FRMPD2: variants seen among roughly 807,000 people sequenced by gnomAD.
The protein encoded by FRMPD2 is FERM and PDZ domain containing 2, also known as FERM and PDZ domain-containing protein 2.
FRMPD2 carries 96 observed loss-of-function variants against 140.1 expected under a neutral mutation model. The ratio of observed to expected loss-of-function variants is 0.69; its 90% CI spans 0.58 to 0.81. The LOEUF (loss-of-function observed/expected upper bound fraction) is 0.81. FRMPD2 is among the 40% of genes least tolerant of loss of function. The probability of loss-of-function intolerance (pLI) is 0.00; values close to 1 mark genes in which losing one functional copy is unlikely to be tolerated. For synonymous variants in FRMPD2, 449 were observed against 547.6 expected (o/e 0.82, Z 2.52); for missense variants, 1,240 against 1,447.4 (o/e 0.86, Z 2.32).
intron 14 of FRMPD2, among the ~76,000 whole-genome samples, chr10:48,205,416 G>A (rs1839180209): frequency 6.6e-6 from 1 of 152,164 alleles, no homozygotes; most frequent in Admixed American, 6.5e-5. Flanking sequence ...TACTTAAGGG[G>A]ACTGTCGAGC....
intron 1 of FRMPD2, among the ~76,000 whole-genome samples, chr10:48,258,080 G>C (rs1840520046): frequency 1.3e-5 from 2 of 152,220 alleles, no homozygotes; most frequent in Admixed American, 1.3e-4. Flanking sequence ...GAAGCTCTCA[G>C]AGCGATCTTT....
chr10:48,245,300 T>G (rs967017658), intron 3 of FRMPD2, among the ~76,000 whole-genome samples: 1 of 152,220 alleles, frequency 6.6e-6, no homozygotes, highest in Non-Finnish European at 1.5e-5. Flanking sequence ...CTTGATGACA[T>G]GAAACGGCTG....
chr10:48,257,590 T>A (rs1197734342), intron 1 of FRMPD2, among the ~76,000 whole-genome samples: 1 of 152,104 alleles, frequency 6.6e-6, no homozygotes, highest in African/African-American at 2.4e-5. Context: ...AACCTTTACC[T>A]TTTTTTAGAG....
intron 1 of FRMPD2, among the ~76,000 whole-genome samples, chr10:48,254,180 C>G (rs374190060): frequency 2.0e-5 from 3 of 152,120 alleles, no homozygotes; most frequent in Non-Finnish European, 4.4e-5. Flanking sequence ...CACAGTGTTA[C>G]GGTGGAATGT....
intron 7 of FRMPD2, among the ~76,000 whole-genome samples, chr10:48,238,523 G>A (rs1015069501): frequency 6.6e-6 from 1 of 152,182 alleles, no homozygotes; most frequent in Non-Finnish European, 1.5e-5. Context: ...AAGGAATCAG[G>A]GGGTAAAAAT....
chr10:48,228,259 T>C (rs1400461428), intron 10 of FRMPD2, among the ~76,000 whole-genome samples: 1 of 151,976 alleles, frequency 6.6e-6, no homozygotes, highest in South Asian at 2.1e-4. Flanking sequence ...TTAATAAATG[T>C]AAATATAAAT....
chr10:48,233,576 C>T (rs966635645), intron 9 of FRMPD2, among the ~76,000 whole-genome samples: 1 of 152,122 alleles, frequency 6.6e-6, no homozygotes, highest in Non-Finnish European at 1.5e-5. Context: ...TGGGCCCCTG[C>T]TTGGGTCCAG....
intron 4 of FRMPD2, among the ~76,000 whole-genome samples, chr10:48,244,204 C>T (rs897980529): frequency 3.9e-5 from 6 of 152,210 alleles, no homozygotes; most frequent in Non-Finnish European, 5.9e-5. Flanking sequence ...AGGCTTGTCT[C>T]GAACTCCTGA....
At chr10:48,201,500 G>C in intron 14 of FRMPD2, 116 bp from the exon 15 acceptor site, 2 of 778,000 alleles carry the variant, frequency 2.6e-6, no homozygotes, top group Non-Finnish European at 4.1e-6. Context: ...GGCATCCACG[G>C]GTGCATGGCA....
rs552446940 is a variant in FRMPD2 at position 48,176,014 on chromosome 10, G to A, written c.2896-75C>T. ...GCCTCCCCAACCTCCCCAGCTAAGGGAATCCCCACCTGCCCACCACTCTAT... is the reference window on the plus strand; with the variant it reads ...GCCTCCCCAACCTCCCCAGCTAAGGAAATCCCCACCTGCCCACCACTCTAT... On this transcript the variant is annotated intron_variant, in intron 22 of 28. Transcript: ENST00000374201. 8.1e-3 allele frequency: 5,805 copies of A among 714,548 alleles called. 81 individuals carry two copies. In the African/African-American group the frequency reaches 0.088, roughly 11 times the overall value. 44.3% of individuals were successfully genotyped at this position (714,548 alleles called of 1,614,324 possible). A position where few individuals can be genotyped will look rare whatever the true frequency, so the allele number is the denominator to read the frequency against.
intron 9 of FRMPD2, among the ~76,000 whole-genome samples, chr10:48,236,125 T>C (rs934659799): frequency 5.3e-5 from 8 of 152,068 alleles, no homozygotes; most frequent in Admixed American, 6.5e-5. Flanking sequence ...TGTCTTTGTC[T>C]GTCTTTGCCG....
chr10:48,274,575 T>C lies in FRMPD2; in HGVS notation c.-8A>G, dbSNP rs1253513547. 6.2e-7 allele frequency: 1 copy of C among 1,614,006 alleles called. No homozygotes were observed. On this transcript the variant is annotated 5_prime_UTR_variant, in exon 1 of 29. Coordinates refer to ENST00000374201, the MANE Select transcript of FRMPD2 (RefSeq NM_001018071.4). ...CTTCGTTAAAGGCTGCATCCAAAAG[T>C]CTCCGTGACCAGGTCTAGGCCTTCA...
intron 10 of FRMPD2, 89 bp from the exon 11 acceptor site, chr10:48,223,359 G>T: frequency 1.5e-6 from 2 of 1,336,116 alleles, no homozygotes; most frequent in South Asian, 2.9e-5. Flanking sequence ...TACCCAGAGT[G>T]TCACACACGA....
At position 48,188,633 on chromosome 10, in the gene FRMPD2, G is replaced by C. The variant is rs147524308; in HGVS notation, c.2166-1341C>G. Among the ~76,000 whole-genome samples, 317 of 152,350 alleles carry C rather than the reference G, an allele frequency of 2.1e-3. 1 individual carries two copies. Among genetic ancestry groups the C allele is most frequent in the African/African-American group, 6.9e-3 (287 of 41,584 alleles). On this transcript the variant is annotated intron_variant, in intron 16 of 28. Coordinates refer to ENST00000374201, the MANE Select transcript of FRMPD2 (RefSeq NM_001018071.4). ...AGCCAACCAAGGTGCCCAGGGAGAG[G>C]CTGCGACAGGGCGCTCGTGTGCTCA...
intron 5 of FRMPD2, 105 bp downstream of exon 5, chr10:48,242,056 T>A: frequency 1.2e-6 from 1 of 834,320 alleles, no homozygotes; most frequent in African/African-American, 1.7e-5. Flanking sequence ...ACTGATTAAT[T>A]TAATTTTTTA....
rs560915957 is a variant in FRMPD2, at chr10:48,232,819, G to T, written c.994-530C>A. 3.3e-5 allele frequency among the ~76,000 whole-genome samples: 5 copies of T among 152,258 alleles called. No homozygotes were observed. In the East Asian group the frequency reaches 9.6e-4, roughly 29 times the overall value. ...ATTACCTAGACTCTAGAAATGGGTC[G>T]GCAGAGCCAAAGAGCCTCCAGAGTC... On this transcript the variant is annotated intron_variant, in intron 9 of 28. Transcript: ENST00000374201.
intron 1 of FRMPD2, among the ~76,000 whole-genome samples, chr10:48,259,026 A>T (rs1050861548): frequency 1.3e-5 from 2 of 152,228 alleles, no homozygotes; most frequent in Non-Finnish European, 2.9e-5. Flanking sequence ...AATCTGAAAA[A>T]TTGAAGTAAA....
At position 48,156,881 on chromosome 10, in the gene FRMPD2, G is replaced by C. The variant is rs1467837417; in HGVS notation, c.*441C>G. On this transcript the variant is annotated 3_prime_UTR_variant, in exon 29 of 29. Coordinates refer to ENST00000374201, the MANE Select transcript of FRMPD2 (RefSeq NM_001018071.4). The stretch of plus-strand genomic sequence containing the variant: ...TGGGACACGTAAATTACATAATTCT[G>C]ACACAGCCCCCCCAACTCTGGGTTC... 1 of 210,698 alleles carries C rather than the reference G, an allele frequency of 4.7e-6. No individual in the cohort carries two copies. The highest frequency in any genetic ancestry group is 9.5e-6 in the Non-Finnish European group (1 of 104,898). The allele number at this position is 210,698 out of a possible 1,614,324, so 13.1% of individuals were successfully genotyped here.
At chr10:48,191,694 C>T (rs1344802932) in intron 16 of FRMPD2, among the ~76,000 whole-genome samples, 1 of 152,210 alleles carries the variant, frequency 6.6e-6, no homozygotes, top group African/African-American at 2.4e-5. Flanking sequence ...AAAACAGCTC[C>T]TGCAGCAACC....
Sources: gnomAD v4.1 joint callset for allele counts (sites outside exome capture counted in the v4.1 genomes callset) on GRCh38, gnomAD v4.1.1 for gene constraint, MANE v1.5 for transcripts, NCBI Gene and HGNC (gene_info 2026-07-23, HGNC 2026-07-21) for gene names.